SPEN: variants seen among roughly 807,000 people sequenced by gnomAD.
SPEN encodes the protein spen family transcriptional repressor, also known as msx2-interacting protein.
A neutral mutation model predicts 269.9 loss-of-function variants in SPEN; 18 were observed. The ratio of observed to expected loss-of-function variants is 0.07; its 90% CI spans 0.05 to 0.10. The LOEUF is 0.10. Among genes scored for constraint, SPEN ranks in the 10% least tolerant of loss-of-function variants. The pLI is 1.00. For synonymous variants in SPEN, 1,726 were observed against 1,765.7 expected (o/e 0.98, Z 0.56); for missense variants, 3,822 against 4,631.2 (o/e 0.83, Z 5.07).
At chr1:15,857,701 C>T (rs1278251933) in intron 1 of SPEN, among the ~76,000 whole-genome samples, 1 of 149,484 alleles carries the variant, frequency 6.7e-6, no homozygotes, top group Non-Finnish European at 1.5e-5. Flanking sequence ...TTTTTTTCTA[C>T]CCAGGTTGGA....
chr1:15,849,532 G>C (rs1250894298), intron 1 of SPEN, among the ~76,000 whole-genome samples: 1 of 152,150 alleles, frequency 6.6e-6, no homozygotes, highest in African/African-American at 2.4e-5. Flanking sequence ...TAACCTGCTT[G>C]AGCTGTCCTC....
chr1:15,915,596 G>A (rs1049659629), intron 5 of SPEN, among the ~76,000 whole-genome samples: 5 of 152,194 alleles, frequency 3.3e-5, no homozygotes, highest in Non-Finnish European at 5.9e-5. Flanking sequence ...GTGCAGTGGC[G>A]TGATCACAGT....
At position 15,933,165 on chromosome 1, in the gene SPEN, T is replaced by C. The variant is rs775323584; in HGVS notation, c.6925T>C (p.Ser2309Pro). ...AGCCAGAGGAAATAGCAGTGAAACCTCACACTCAGTGCCAGAAGCCAAAGG... is the reference window on the plus strand; with the variant it reads ...AGCCAGAGGAAATAGCAGTGAAACCCCACACTCAGTGCCAGAAGCCAAAGG... ...KEARGNSSET[S>P]HSVPEAKGSK... Residue 2309 changes from serine (S) to proline (P), a missense_variant, in exon 11 of 15, where the codon TCA (serine) becomes CCA (proline). By Grantham distance (74) the Ser-to-Pro change is moderately conservative. Around this residue, in one of 16 missense-constraint regions of SPEN, gnomAD observed 727 missense variants for 737.9 expected, o/e 0.99. Coordinates refer to ENST00000375759, the MANE Select transcript of SPEN (RefSeq NM_015001.3). The surrounding 1 kb of genome is among the most constrained non-coding windows in gnomAD (Gnocchi z 5.7). 3.1e-6 allele frequency: 5 copies of C among 1,614,082 alleles called. No individual in the cohort carries two copies. The Admixed American group carries it at 8.3e-5, about 27-fold the overall frequency.
intron 1 of SPEN, among the ~76,000 whole-genome samples, chr1:15,868,438 C>CT (rs35701730): frequency 0.1 from 14,498 of 141,948 alleles, 898 homozygotes; most frequent in African/African-American, 0.17. Flanking sequence ...TAGAATAAAA[C>CT]TTTTTTTTTT....
At chr1:15,860,378 G>GGTGTGTGTGTGTGTGTGTGT (rs60005872) in intron 1 of SPEN, among the ~76,000 whole-genome samples, 34 of 121,234 alleles carry the variant, frequency 2.8e-4, no homozygotes, top group South Asian at 1.3e-3. Flanking sequence ...TAGCTTCAGA[G>GGTGTGTGTGTGTGTGTGTGT]GTGTGTGTGT....
At chr1:15,864,231 C>T (rs144938608) in intron 1 of SPEN, among the ~76,000 whole-genome samples, 9,466 of 150,982 alleles carry the variant, frequency 0.063, 356 homozygotes, top group South Asian at 0.16. Flanking sequence ...TGCAGTGGCT[C>T]GATCTTGGCT....
At chr1:15,873,742 G>T in intron 2 of SPEN, 1 of 1,004,562 alleles carries the variant, frequency 1.0e-6, no homozygotes, top group Non-Finnish European at 1.2e-6. Context: ...CACAATTTCT[G>T]TATTGTTGGA....
At chr1:15,904,452 C>CAAAAAA (rs1215369183) in intron 3 of SPEN, among the ~76,000 whole-genome samples, 558 of 48,484 alleles carry the variant, frequency 0.012, 37 homozygotes, top group African/African-American at 0.026. Context: ...AACTCCATCT[C>CAAAAAA]AAAAAAAAAA....
chr1:15,872,718 C>G (rs1569988523), intron 1 of SPEN, 98 bp from the exon 2 acceptor site: 1 of 923,162 alleles, frequency 1.1e-6, no homozygotes, highest in East Asian at 2.5e-5. Flanking sequence ...CAGGTCGTCC[C>G]TCCTACATAC....
chr1:15,922,944 A>G (rs2071133676), intron 10 of SPEN, among the ~76,000 whole-genome samples: 1 of 152,122 alleles, frequency 6.6e-6, no homozygotes, highest in Non-Finnish European at 1.5e-5. Flanking sequence ...ATAAATACAA[A>G]TCATCTTGCT....
At chr1:15,862,074 G>A (rs2070454569) in intron 1 of SPEN, among the ~76,000 whole-genome samples, 1 of 151,924 alleles carries the variant, frequency 6.6e-6, no homozygotes, top group African/African-American at 2.4e-5. Flanking sequence ...AAAAATTGCG[G>A]GAGTTAGCCA....
intron 1 of SPEN, among the ~76,000 whole-genome samples, chr1:15,870,377 CTT>C (rs35485446): frequency 1.3e-5 from 2 of 152,106 alleles, no homozygotes; most frequent in African/African-American, 2.4e-5. Context: ...TCTATAATAA[CTT>C]TTTCTCCCAT....
Position 15,934,812 on chromosome 1 carries a change from C to A in SPEN, c.8572C>A (p.Pro2858Thr), listed in dbSNP as rs139039213. 1 of 1,614,064 alleles carries A rather than the reference C, an allele frequency of 6.2e-7. No homozygotes were observed. The highest frequency in any genetic ancestry group is 1.3e-5 in the African/African-American group (1 of 74,912). Residue 2858 changes from proline (P) to threonine (T), a missense_variant, in exon 11 of 15, where the codon CCT (proline) becomes ACT (threonine). Physicochemically the swap from Pro to Thr is conservative, Grantham distance 38. This residue lies in a region of SPEN where 329 missense variants were observed against 431.2 expected (regional missense o/e 0.76). Transcript: ENST00000375759. The surrounding 1 kb of genome is among the most constrained non-coding windows in gnomAD (Gnocchi z 9.2). ...QQSVSKSQVK[P>T]DSVTASQPPS... ...GTCAGTGTCCAAGTCCCAGGTCAAA[C>A]CTGATTCTGTCACAGCATCGCAGCC... is the stretch of plus-strand genomic sequence containing the variant.
chr1:15,930,951 A>T lies in SPEN; in HGVS notation c.4711A>T (p.Ser1571Cys). ...YGKQTSEGAN[S>C]TTDSIQEPVV... ...GAAGCAGACATCTGAGGGAGCAAACAGCACAACTGATTCCATTCAAGAACC... is the reference window on the plus strand; with the variant it reads ...GAAGCAGACATCTGAGGGAGCAAACTGCACAACTGATTCCATTCAAGAACC... Residue 1571 changes from serine to cysteine, a missense_variant, in exon 11 of 15, where the codon AGC becomes TGC. Coordinates refer to ENST00000375759, the MANE Select transcript of SPEN (RefSeq NM_015001.3). This position sits in a 1 kb window ranked among gnomAD's most constrained non-coding sequence, Gnocchi z 5.3. 6.2e-7 allele frequency: 1 copy of T among 1,614,202 alleles called. No individual in the cohort carries two copies. The highest frequency in any genetic ancestry group is 8.5e-7 in the Non-Finnish European group (1 of 1,180,034).
intron 1 of SPEN, among the ~76,000 whole-genome samples, chr1:15,869,482 G>T (rs2070551385): frequency 6.6e-6 from 1 of 152,146 alleles, no homozygotes; most frequent in African/African-American, 2.4e-5. Flanking sequence ...TTTGGTGGTT[G>T]TAATGGATAC....
rs2071206247 is a variant in SPEN at position 15,930,081 on chromosome 1, C to T, written c.3841C>T (p.Leu1281=). 1.2e-6 allele frequency: 2 copies of T among 1,614,224 alleles called. No individual in the cohort carries two copies. The highest frequency in any genetic ancestry group is 4.5e-5 in the East Asian group (2 of 44,886). Residue 1281 remains leucine (L), a synonymous_variant, in exon 11 of 15, where the codon CTA becomes TTA. Transcript: ENST00000375759. The surrounding 1 kb of genome is among the most constrained non-coding windows in gnomAD (Gnocchi z 5.3). ...EDEDPIGSPR[L]LSVKGSPKVD... ...TGAGGATCCCATAGGCTCCCCTAGGCTACTGTCAGTAAAAGGGTCTCCTAA... is the reference window on the plus strand; with the variant it reads ...TGAGGATCCCATAGGCTCCCCTAGGTTACTGTCAGTAAAAGGGTCTCCTAA...
intron 1 of SPEN, among the ~76,000 whole-genome samples, chr1:15,853,018 G>A (rs767854884): frequency 1.3e-5 from 2 of 151,768 alleles, no homozygotes; most frequent in East Asian, 1.9e-4. Flanking sequence ...CACCACACTC[G>A]ACTAATTTTT....
At chr1:15,919,899 A>T (rs527437599) in intron 8 of SPEN, among the ~76,000 whole-genome samples, 3 of 152,294 alleles carry the variant, frequency 2.0e-5, no homozygotes, top group African/African-American at 7.2e-5. Flanking sequence ...TTCACACAAC[A>T]GAATATTCAT....
intron 1 of SPEN, among the ~76,000 whole-genome samples, chr1:15,861,868 C>T (rs1311812437): frequency 6.6e-6 from 1 of 152,030 alleles, no homozygotes; most frequent in African/African-American, 2.4e-5. Flanking sequence ...GGTGAAACCC[C>T]GTCTCTACTA....
Sources: gnomAD v4.1 joint callset for allele counts (sites outside exome capture counted in the v4.1 genomes callset) on GRCh38, gnomAD v4.1.1 for gene constraint, gnomAD v4.1.1 regional missense constraint, Gnocchi (gnomAD v3.1) non-coding constraint, MANE v1.5 for transcripts, NCBI Gene and HGNC (gene_info 2026-07-23, HGNC 2026-07-21) for gene names.